SLC1A7: variants seen among roughly 807,000 people sequenced by gnomAD.
SLC1A7 encodes excitatory amino acid transporter 5.
Under a neutral mutation model 47.7 loss-of-function variants are expected in SLC1A7, and 40 were observed. The ratio of observed to expected loss-of-function variants is 0.84; its 90% confidence interval spans 0.65 to 1.09. The LOEUF (loss-of-function observed/expected upper bound fraction) is 1.09, where lower values mean the gene tolerates loss of function less well. Among genes scored for constraint, SLC1A7 ranks in the 50% least tolerant of loss-of-function variants. SLC1A7 has a pLI of 0.00. For missense variants in SLC1A7, 746 were observed against 769.5 expected (o/e 0.97, Z 0.36); for synonymous variants, 323 against 325.6 (o/e 0.99, Z 0.09).
At chr1:53,123,111 G>A (rs1490827370) in intron 2 of SLC1A7, among the ~76,000 whole-genome samples, 1 of 152,236 alleles carries the variant, frequency 6.6e-6, no homozygotes, top group East Asian at 1.9e-4. Flanking sequence ...GCAGCCCTCA[G>A]AGCTCACTGT....
chr1:53,121,940 G>GGTGT (rs1644830765), intron 2 of SLC1A7, among the ~76,000 whole-genome samples: 1 of 151,820 alleles, frequency 6.6e-6, no homozygotes, highest in Non-Finnish European at 1.5e-5. Context: ...GACGGGGCGG[G>GGTGT]GTGTGTGTGT....
intron 3 of SLC1A7, among the ~76,000 whole-genome samples, chr1:53,113,807 G>A (rs764844426): frequency 2.6e-5 from 4 of 152,116 alleles, no homozygotes; most frequent in Non-Finnish European, 4.4e-5. Flanking sequence ...TCTCCAGCAG[G>A]GGTTTCTGCC....
intron 2 of SLC1A7, among the ~76,000 whole-genome samples, chr1:53,123,975 C>T (rs550469888): frequency 1.3e-5 from 2 of 152,358 alleles, no homozygotes; most frequent in South Asian, 2.1e-4. Context: ...TCTGGCCACC[C>T]GCTCCTCTGC....
intron 5 of SLC1A7, among the ~76,000 whole-genome samples, chr1:53,094,916 G>T (rs1644468198): frequency 2.0e-5 from 3 of 152,372 alleles, no homozygotes; most frequent in Admixed American, 2.0e-4. Context: ...CCCAGGGATG[G>T]GGTGGGGAAA....
At chr1:53,120,872 C>A (rs1399624909) in intron 2 of SLC1A7, among the ~76,000 whole-genome samples, 1 of 152,246 alleles carries the variant, frequency 6.6e-6, no homozygotes, top group Non-Finnish European at 1.5e-5. Context: ...GGCACCACCG[C>A]CCTCTGAAGG....
At chr1:53,117,818 G>A (rs1644777781) in intron 2 of SLC1A7, among the ~76,000 whole-genome samples, 1 of 152,256 alleles carries the variant, frequency 6.6e-6, no homozygotes, top group African/African-American at 2.4e-5. Context: ...GGGAGGGAGT[G>A]TAGGTTTTAG....
At chr1:53,091,350 G>A (rs189044332) in intron 7 of SLC1A7, among the ~76,000 whole-genome samples, 22 of 152,316 alleles carry the variant, frequency 1.4e-4, no homozygotes, top group African/African-American at 5.1e-4. Context: ...AAAACAGGCC[G>A]GTGTGGCCCC....
intron 2 of SLC1A7, among the ~76,000 whole-genome samples, chr1:53,128,339 T>C (rs3766802): frequency 0.016 from 2,441 of 152,276 alleles, 53 homozygotes; most frequent in African/African-American, 0.053. Flanking sequence ...TAGCTGGGCA[T>C]GGTGGCGTGT....
At chr1:53,108,884 A>G (rs1448908255) in intron 3 of SLC1A7, among the ~76,000 whole-genome samples, 1 of 152,154 alleles carries the variant, frequency 6.6e-6, no homozygotes, top group Non-Finnish European at 1.5e-5. Context: ...ACTAATAACC[A>G]ATGAATTTAT....
At chr1:53,090,349 AC>A in intron 8 of SLC1A7, 1 of 566,844 alleles carries the variant, frequency 1.8e-6, no homozygotes, top group Non-Finnish European at 3.1e-6. Flanking sequence ...GCATCCCAGC[AC>A]CCCTTCGTTG....
chr1:53,103,724 A>G, intron 4 of SLC1A7, 156 bp from the exon 5 acceptor site: 2 of 553,178 alleles, frequency 3.6e-6, no homozygotes, highest in Non-Finnish European at 6.3e-6. Flanking sequence ...AGGGATTGCT[A>G]TCAATATTTT....
Position 53,088,182 on chromosome 1 carries a change from C to G in SLC1A7, c.1510G>C (p.Val504Leu), listed in dbSNP as rs150697605. The G allele has an allele frequency of 6.2e-7, 1 of 1,613,280 alleles. No individual in the cohort carries two copies. The highest frequency in any genetic ancestry group is 8.5e-7 in the Non-Finnish European group (1 of 1,179,648). The part of the protein sequence containing the change: ...ETKPVSLQEI[V>L]AAQQNGCVKS... ...ACACAGCCATTCTGCTGGGCTGCCA[C>G]GATCTCCTGGAGGCTCACTGGCTTG... Residue 504 changes from valine (V) to leucine (L), a missense_variant, in exon 11 of 11, where the codon GTG becomes CTG. By Grantham distance (32) the Val-to-Leu change is conservative (BLOSUM62 1). Coordinates refer to ENST00000371494, the MANE Select transcript of SLC1A7 (RefSeq NM_006671.6).
intron 2 of SLC1A7, among the ~76,000 whole-genome samples, chr1:53,123,289 C>G (rs1644844392): frequency 1.3e-5 from 2 of 152,224 alleles, no homozygotes; most frequent in African/African-American, 4.8e-5. Flanking sequence ...TCCTGCCTCC[C>G]CTCCCTGCAC....
In SLC1A7 at chr1:53,099,416, G is replaced by GCTCACACAGCCCGCCTCGGTATA. The variant is rs1644544131; in HGVS notation, c.697+3907_697+3929dup. Among the ~76,000 whole-genome samples the GCTCACACAGCCCGCCTCGGTATA allele has an allele frequency of 4.4e-5, 6 of 136,408 alleles. No individual in the cohort carries two copies. The South Asian group carries it at 1.5e-3, about 34-fold the overall frequency. The allele number at this position is 136,408 out of a possible 152,430, so 89.5% of individuals were successfully genotyped here. ...AGACTGACACACACCACCTCAGTAC[G>GCTCACACAGCCCGCCTCGGTATA]CTCACACAGCCCGCCTCGGTATACT... On this transcript the variant is annotated intron_variant, in intron 5 of 10. Transcript: ENST00000371494.
At chr1:53,109,726 C>T (rs1644682630) in intron 3 of SLC1A7, among the ~76,000 whole-genome samples, 1 of 152,184 alleles carries the variant, frequency 6.6e-6, no homozygotes, top group Non-Finnish European at 1.5e-5. Flanking sequence ...TCCCTCACTG[C>T]CAGTGTCCCC....
rs375136400 is a variant in SLC1A7 at position 53,142,329 on chromosome 1, G to A, written c.121C>T (p.Arg41Cys). The A allele has an allele frequency of 3.5e-5, 54 of 1,561,546 alleles. No homozygotes were observed. The highest frequency in any genetic ancestry group is 4.7e-5 in the South Asian group (4 of 84,868). The change falls in exon 1 of 11, where the codon CGC becomes TGC. Residue 41 changes from arginine (R) to cysteine (C), a missense_variant. Arg to Cys is a radical substitution (Grantham distance 180, BLOSUM62 -3). Coordinates refer to ENST00000371494, the MANE Select transcript of SLC1A7 (RefSeq NM_006671.6). The stretch of plus-strand genomic sequence containing the variant: ...GGGTGGCTGACCTGTGGTGAGAGGC[G>A]CCGGGTCCTCAAGAAGAAGCCGAGG... ...CLLGFFLRTR[R>C]LSPQEISYFQ...
At chr1:53,104,976 C>A (rs1443023818) in intron 4 of SLC1A7, among the ~76,000 whole-genome samples, 1 of 152,132 alleles carries the variant, frequency 6.6e-6, no homozygotes, top group Non-Finnish European at 1.5e-5. Context: ...TACAGCGCAG[C>A]CTTATCACAG....
In SLC1A7 at chr1:53,115,180, A is replaced by G. The variant is rs1644745200; in HGVS notation, c.216-207T>C. ...ACGCCCCGGGGCGCAGGCCACACAC[A>G]TCTGTGCCTTGAGACCTCTGCACTG... On this transcript the variant is annotated intron_variant, in intron 2 of 10. Transcript: ENST00000371494. 3 of 590,132 alleles carry G rather than the reference A, an allele frequency of 5.1e-6. No individual in the cohort carries two copies. In the South Asian group the frequency reaches 5.9e-5, roughly 12 times the overall value. The allele number at this position is 590,132 out of a possible 1,614,324, so 36.6% of individuals were successfully genotyped here. A position where few individuals can be genotyped will look rare whatever the true frequency, so the allele number is the denominator to read the frequency against.
intron 7 of SLC1A7, among the ~76,000 whole-genome samples, chr1:53,091,867 C>T (rs527767175): frequency 2.6e-5 from 4 of 152,354 alleles, no homozygotes; most frequent in African/African-American, 9.6e-5. Context: ...TAAGGGACCA[C>T]TTCCTTCCTG....
Sources: allele counts gnomAD v4.1 joint callset (sites outside exome capture counted in the v4.1 genomes callset), GRCh38; gene constraint gnomAD v4.1.1; transcripts MANE v1.5; gene names NCBI Gene and HGNC (gene_info 2026-07-23, HGNC 2026-07-21).